Variants in CR1 observed in about 807,000 individuals in gnomAD.
CR1 encodes the protein complement receptor type 1.
In CR1, 116 loss-of-function variants were observed where a neutral mutation model predicts 187.3. The ratio of observed to expected loss-of-function variants is 0.62; its 90% CI spans 0.53 to 0.72. CR1 has a LOEUF of 0.72. Ranked by LOEUF, CR1 falls within the 30% of genes least tolerant of loss-of-function variation. The pLI, the probability that CR1 is intolerant of heterozygous loss-of-function variation, is 0.00. For missense variants in CR1, 1,731 were observed against 2,110.7 expected (o/e 0.82, Z 3.52); for synonymous variants, 576 against 747.1 (o/e 0.77, Z 3.73).
intron 41 of CR1, among the ~76,000 whole-genome samples, chr1:207,617,594 TATATATATATATATATATAG>T (rs1662164777): frequency 1.7e-4 from 7 of 41,528 alleles, no homozygotes; most frequent in Admixed American, 1.2e-3. Flanking sequence ...TATATATATA[TATATATATATATATATATAG>T]AGAGAGAGAG....
intron 1 of CR1, among the ~76,000 whole-genome samples, chr1:207,501,635 T>C (rs758751801): frequency 6.6e-6 from 1 of 152,196 alleles, no homozygotes; most frequent in African/African-American, 2.4e-5. Flanking sequence ...ACTATGCAGG[T>C]AAGAATATTA....
chr1:207,585,322 A>G (rs368787642), intron 33 of CR1, among the ~76,000 whole-genome samples: 24 of 152,344 alleles, frequency 1.6e-4, no homozygotes, highest in African/African-American at 4.8e-4. Flanking sequence ...GTTTTAAACT[A>G]GTGTTCTGCT....
At chr1:207,622,934 A>C in intron 44 of CR1, 59 bp from the exon 45 acceptor site, 2 of 1,253,768 alleles carry the variant, frequency 1.6e-6, no homozygotes, top group Non-Finnish European at 2.3e-6. Flanking sequence ...ACTAAGATAG[A>C]ATTTAAAACC....
chr1:207,591,444 C>G (rs1051350120), intron 35 of CR1, among the ~76,000 whole-genome samples: 4 of 152,064 alleles, frequency 2.6e-5, no homozygotes, highest in Non-Finnish European at 5.9e-5. Context: ...GGGACACAGC[C>G]AAAGAGTGTT....
intron 35 of CR1, among the ~76,000 whole-genome samples, chr1:207,604,727 G>T (rs986029777): frequency 6.6e-6 from 1 of 152,044 alleles, no homozygotes; most frequent in African/African-American, 2.4e-5. Flanking sequence ...TTCTGTTTTT[G>T]TGCCTTAAAA....
In CR1 at chr1:207,567,909, A is replaced by G. The variant is rs777114686; in HGVS notation, c.4038A>G (p.Val1346=). ...AAGTCTTTCCCTTTGGAAAAGCAGT[A>G]AATTACACATGCGACCCCCACCCAG... ...PLEVFPFGKA[V]NYTCDPHPDR... is the part of the protein sequence containing the mutation. The change falls in exon 25 of 47, where the codon GTA becomes GTG. Residue 1346 remains valine (V), a synonymous_variant. Transcript: ENST00000367049. The G allele has an allele frequency of 1.2e-6, 2 of 1,610,828 alleles. No individual in the cohort carries two copies. The highest frequency in any genetic ancestry group is 1.7e-6 in the Non-Finnish European group (2 of 1,179,642).
At chr1:207,630,456 C>A in intron 45 of CR1, 61 bp from the exon 46 acceptor site, 2 of 1,120,254 alleles carry the variant, frequency 1.8e-6, no homozygotes, top group South Asian at 3.4e-5. Flanking sequence ...TTACTAATTT[C>A]TTTCAAAACA....
intron 32 of CR1, among the ~76,000 whole-genome samples, chr1:207,584,315 G>T (rs552157009): frequency 2.6e-5 from 4 of 152,226 alleles, no homozygotes; most frequent in African/African-American, 9.6e-5. Context: ...AAACATGCTT[G>T]TTGAATTAAT....
intron 3 of CR1, among the ~76,000 whole-genome samples, chr1:207,510,244 T>C (rs1438712158): frequency 1.3e-5 from 2 of 151,956 alleles, no homozygotes; most frequent in Admixed American, 1.3e-4. Flanking sequence ...ACAACAAAAA[T>C]CCCAAATGAT....
intron 1 of CR1, among the ~76,000 whole-genome samples, chr1:207,499,122 C>T (rs1659188364): frequency 6.6e-6 from 1 of 151,940 alleles, no homozygotes; most frequent in African/African-American, 2.4e-5. Context: ...TACAACAAGA[C>T]CGTTTTAAAT....
intron 3 of CR1, among the ~76,000 whole-genome samples, chr1:207,509,361 T>A (rs1310786304): frequency 1.3e-5 from 2 of 152,182 alleles, no homozygotes; most frequent in Non-Finnish European, 2.9e-5. Context: ...GGGTAGGATG[T>A]AAAGGCTTCA....
Position 207,621,886 on chromosome 1 carries a change from T to C in CR1, c.7253-87T>C, listed in dbSNP as rs537382626. The C allele has an allele frequency of 3.9e-5, 43 of 1,107,666 alleles. 1 individual carries two copies. The South Asian group carries it at 5.9e-4, about 15-fold the overall frequency. 68.6% of individuals were successfully genotyped at this position (1,107,666 alleles called of 1,614,324 possible). On this transcript the variant is annotated intron_variant, in intron 43 of 46. Transcript: ENST00000367049. ...TATTAGACTGAGTCCTGAAGAAAAA[T>C]CAGGATGACTTGTCACTGGCTGAGA...
In CR1 at chr1:207,523,665, A is replaced by T; in HGVS notation, c.542A>T (p.Asn181Ile). ...TITNGDFISTNRENFHYGSVV... is the reference protein window; with the variant it reads ...TITNGDFISTIRENFHYGSVV... The stretch of plus-strand genomic sequence containing the variant: ...ACCAATGGAGATTTCATTAGCACCA[A>T]CAGAGAGAATTTTCACTATGGATCA... The change falls in exon 5 of 47, where the codon AAC (asparagine) becomes ATC (isoleucine). Residue 181 changes from asparagine (N) to isoleucine (I), a missense_variant. This residue lies in a region of CR1 where 237 missense variants were observed against 240.4 expected (regional missense o/e 0.99). Coordinates refer to ENST00000367049, the MANE Select transcript of CR1 (RefSeq NM_000651.6). The T allele has an allele frequency of 6.2e-7, 1 of 1,613,944 alleles. No homozygotes were observed. Among genetic ancestry groups the T allele is most frequent in the Non-Finnish European group, 8.5e-7 (1 of 1,179,902 alleles).
chr1:207,593,189 G>A (rs1421844159), intron 35 of CR1, among the ~76,000 whole-genome samples: 5 of 151,108 alleles, frequency 3.3e-5, no homozygotes, highest in Non-Finnish European at 5.9e-5. Context: ...GAGGCACCAC[G>A]CTACATGACT....
At chr1:207,631,439 G>C (rs562497896) in intron 46 of CR1, among the ~76,000 whole-genome samples, 2 of 152,246 alleles carry the variant, frequency 1.3e-5, no homozygotes, top group South Asian at 4.1e-4. Context: ...TTGCAACAGA[G>C]ACCCCAAAAG....
chr1:207,601,418 C>A (rs900860451), intron 35 of CR1, among the ~76,000 whole-genome samples: 4 of 152,048 alleles, frequency 2.6e-5, no homozygotes, highest in African/African-American at 9.7e-5. Context: ...ATTTTCAATT[C>A]TTTTAGGTAT....
At chr1:207,586,566 T>C (rs1168708655) in intron 33 of CR1, among the ~76,000 whole-genome samples, 1 of 152,242 alleles carries the variant, frequency 6.6e-6, no homozygotes, top group Non-Finnish European at 1.5e-5. Flanking sequence ...TATTTCACAG[T>C]TTTGTAGGCT....
chr1:207,632,540 G>T (rs545022591), intron 46 of CR1, among the ~76,000 whole-genome samples: 65 of 152,278 alleles, frequency 4.3e-4, no homozygotes, highest in African/African-American at 1.5e-3. Flanking sequence ...TGTAATCCCA[G>T]CACTTTGGGC....
chr1:207,505,313 G>A (rs1659393237), intron 1 of CR1, among the ~76,000 whole-genome samples: 1 of 151,974 alleles, frequency 6.6e-6, no homozygotes, highest in Non-Finnish European at 1.5e-5. Flanking sequence ...ACAGGCAAGT[G>A]CAATCATGCT....
Sources: allele counts gnomAD v4.1 joint callset (sites outside exome capture counted in the v4.1 genomes callset), GRCh38; gene constraint gnomAD v4.1.1; regional missense constraint gnomAD v4.1.1; transcripts MANE v1.5; gene names NCBI Gene and HGNC (gene_info 2026-07-23, HGNC 2026-07-21).